Variants in SPATA21 observed in about 807,000 individuals in gnomAD.
SPATA21 encodes the protein spermatogenesis associated 21.
A neutral mutation model predicts 54.8 loss-of-function variants in SPATA21; 47 were observed. The observed-to-expected ratio is 0.86, with a 90% CI of 0.68 to 1.09. The LOEUF (loss-of-function observed/expected upper bound fraction) is 1.09. Among genes scored for constraint, SPATA21 ranks in the 50% least tolerant of loss-of-function variants. The probability of loss-of-function intolerance (pLI) is 0.00; values close to 1 mark genes in which losing one functional copy is unlikely to be tolerated. For synonymous variants in SPATA21, 245 were observed against 235.3 expected, an observed-to-expected ratio of 1.04 and a Z score of -0.38; for missense variants, 599 against 596.4, an observed-to-expected ratio of 1.00 and a Z score of -0.05.
At chr1:16,404,673 A>G (rs1165671029) in intron 8 of SPATA21, among the ~76,000 whole-genome samples, 1 of 152,120 alleles carries the variant, frequency 6.6e-6, no homozygotes, top group Admixed American at 6.6e-5. Context: ...TTAGCTGGGC[A>G]TGGTAGTGCG....
At chr1:16,423,414 A>C (rs2086227982) in intron 3 of SPATA21, among the ~76,000 whole-genome samples, 1 of 106,432 alleles carries the variant, frequency 9.4e-6, no homozygotes, top group African/African-American at 6.2e-5. Flanking sequence ...CTCCATGTCA[A>C]AAAAAAAAAA....
intron 8 of SPATA21, 72 bp from the exon 9 acceptor site, chr1:16,404,111 T>C: frequency 7.7e-7 from 1 of 1,290,778 alleles, no homozygotes; most frequent in Non-Finnish European, 1.1e-6. Flanking sequence ...CCAGGCGTGG[T>C]TATTAGAAGT....
At chr1:16,423,976 A>T (rs1376780786) in intron 3 of SPATA21, among the ~76,000 whole-genome samples, 2 of 151,646 alleles carry the variant, frequency 1.3e-5, no homozygotes, top group African/African-American at 4.8e-5. Context: ...GCCTGGGGAT[A>T]GACTAGTGGG....
chr1:16,425,555 A>C (rs949029595), intron 3 of SPATA21: 2 of 1,549,148 alleles, frequency 1.3e-6, no homozygotes, highest in African/African-American at 2.7e-5. Flanking sequence ...ATCCTCCCCG[A>C]TTCCCCGGTT....
At position 16,436,087 on chromosome 1, in the gene SPATA21, C is replaced by T. The variant is rs2086578814; in HGVS notation, c.-187+1041G>A. 2.0e-5 allele frequency among the ~76,000 whole-genome samples: 3 copies of T among 151,684 alleles called. No homozygotes were observed. The South Asian group carries it at 6.2e-4, about 32-fold the overall frequency. On this transcript the variant is annotated intron_variant, in intron 1 of 12. Coordinates refer to ENST00000335496, the MANE Select transcript of SPATA21 (RefSeq NM_198546.1). ...CCAGCAAGGTGAAACCCCATCTCTA[C>T]TAAAGATACAAAAAATTAGCTGAGT...
intron 5 of SPATA21, among the ~76,000 whole-genome samples, chr1:16,411,350 C>G (rs2085837547): frequency 6.6e-6 from 1 of 151,940 alleles, no homozygotes; most frequent in Non-Finnish European, 1.5e-5. Flanking sequence ...CCAGGCCTGG[C>G]TAATATTTTA....
chr1:16,403,484 T>TTTTTTTC (rs2085519378), intron 10 of SPATA21, among the ~76,000 whole-genome samples: 1 of 113,738 alleles, frequency 8.8e-6, no homozygotes, highest in African/African-American at 2.9e-5. Flanking sequence ...AGTTTTTTTC[T>TTTTTTTC]TTTTTTTCTT....
chr1:16,413,850 C>T (rs939696000), intron 5 of SPATA21, among the ~76,000 whole-genome samples: 9 of 151,910 alleles, frequency 5.9e-5, no homozygotes, highest in South Asian at 2.1e-4. Flanking sequence ...TGACCTCAAG[C>T]GATCTGCCTG....
rs549552024 is a variant in SPATA21 at position 16,399,191 on chromosome 1, GTCT to G, written c.1352+150_1352+152del. Among the ~76,000 whole-genome samples, 315 of 152,320 alleles carry G rather than the reference GTCT, an allele frequency of 2.1e-3. 1 individual carries two copies. The highest frequency in any genetic ancestry group is 7.2e-3 in the African/African-American group (300 of 41,572). On this transcript the variant is annotated intron_variant, in intron 12 of 12. Transcript: ENST00000335496. ...GTACACAGGCCCTCAACAAAGGTTT[GTCT>G]TCTTCGCCTTTTACCCTTTCTCCTC...
At chr1:16,398,531 T>C, downstream of SPATA21, 1 of 547,588 alleles carries the variant, frequency 1.8e-6, no homozygotes. Context: ...GGGGCACCTG[T>C]AGCAGAAATC....
intron 7 of SPATA21, 95 bp from the exon 8 acceptor site, chr1:16,405,199 C>T: frequency 6.7e-7 from 1 of 1,502,518 alleles, no homozygotes; most frequent in Non-Finnish European, 8.8e-7. Flanking sequence ...CCTCCTCCAC[C>T]ATCAAAAGTG....
rs1390700657 is a variant in SPATA21 at position 16,428,271 on chromosome 1, G to A, written c.34+3067C>T. ...GTCCAGATTAGTACCCGAGACAAGGGGATTGCCTTAAGGACAGCTTGAAAG... is the reference window on the plus strand; with the variant it reads ...GTCCAGATTAGTACCCGAGACAAGGAGATTGCCTTAAGGACAGCTTGAAAG... On this transcript the variant is annotated intron_variant, in intron 3 of 12. Transcript: ENST00000335496. The surrounding 1 kb of genome is among the most constrained non-coding windows in gnomAD (Gnocchi z 4.3). 6.6e-6 allele frequency among the ~76,000 whole-genome samples: 1 copy of A among 152,162 alleles called. No individual in the cohort carries two copies. Among genetic ancestry groups the A allele is most frequent in the African/African-American group, 2.4e-5 (1 of 41,450 alleles).
In SPATA21 at chr1:16,409,061, C is replaced by A. The variant is rs571410812; in HGVS notation, c.673+57G>T. 4 of 1,591,038 alleles carry A rather than the reference C, an allele frequency of 2.5e-6. No individual in the cohort carries two copies. In the South Asian group the frequency reaches 3.3e-5, roughly 13 times the overall value. On this transcript the variant is annotated intron_variant, in intron 7 of 12. Transcript: ENST00000335496. The surrounding 1 kb of genome is among the most constrained non-coding windows in gnomAD (Gnocchi z 4.1). ...CCCAGTCCGCCCTGCGCCTATAAAC[C>A]CCCAAGGACCAAGGGTCCTGCCTGT...
chr1:16,412,235 T>G (rs889094171), intron 5 of SPATA21, among the ~76,000 whole-genome samples: 2 of 151,996 alleles, frequency 1.3e-5, no homozygotes, highest in African/African-American at 4.8e-5. Flanking sequence ...ATGACTCCAT[T>G]TTCCTCACAT....
At chr1:16,420,409 A>G (rs1164269668) in intron 5 of SPATA21, among the ~76,000 whole-genome samples, 1 of 151,992 alleles carries the variant, frequency 6.6e-6, no homozygotes, top group African/African-American at 2.4e-5. Context: ...CTGTAGTCCC[A>G]GCTACTCAGG....
intron 1 of SPATA21, among the ~76,000 whole-genome samples, chr1:16,433,988 C>T (rs554095585): frequency 6.6e-6 from 1 of 152,310 alleles, no homozygotes; most frequent in East Asian, 1.9e-4. Context: ...CCCCACACCC[C>T]TTGGGCATCA....
At position 16,413,525 on chromosome 1, in the gene SPATA21, T is replaced by G. The variant is rs150597794; in HGVS notation, c.145-3482A>C. 5.3e-4 allele frequency among the ~76,000 whole-genome samples: 80 copies of G among 152,320 alleles called. 2 individuals are homozygous for G. The East Asian group carries it at 0.013, about 25-fold the overall frequency. The stretch of plus-strand genomic sequence containing the variant: ...AGATCCTGCTTTCAGTTCTCTGGGG[T>G]ATATACCCAGAAATGGAGTTTCAGC... On this transcript the variant is annotated intron_variant, in intron 5 of 12. Transcript: ENST00000335496.
At chr1:16,432,051 G>A (rs1247348004) in intron 2 of SPATA21, among the ~76,000 whole-genome samples, 1 of 151,534 alleles carries the variant, frequency 6.6e-6, no homozygotes, top group African/African-American at 2.4e-5. Flanking sequence ...GTTCACCAAA[G>A]CACCCACACC....
chr1:16,425,383 G>A, intron 3 of SPATA21: 1 of 909,122 alleles, frequency 1.1e-6, no homozygotes. Context: ...TGGGCTCAAG[G>A]GATCACCCCT....
Sources: allele counts gnomAD v4.1 joint callset (sites outside exome capture counted in the v4.1 genomes callset), GRCh38; gene constraint gnomAD v4.1.1; non-coding constraint Gnocchi (gnomAD v3.1); transcripts MANE v1.5; gene names NCBI Gene and HGNC (gene_info 2026-07-23, HGNC 2026-07-21).